Variants in NEDD9 observed in about 807,000 individuals in gnomAD.
NEDD9 encodes neural precursor cell expressed, developmentally down-regulated 9, also known as enhancer of filamentation 1.
Under a neutral mutation model 76.6 loss-of-function variants are expected in NEDD9, and 26 were observed. The observed-to-expected ratio is 0.34, with a 90% CI of 0.25 to 0.47. The LOEUF (loss-of-function observed/expected upper bound fraction) is 0.47, where lower values mean the gene tolerates loss of function less well. NEDD9 is among the 20% of genes least tolerant of loss of function. The probability of loss-of-function intolerance (pLI) is 1.00; values close to 1 mark genes in which losing one functional copy is unlikely to be tolerated. For missense variants in NEDD9, 937 were observed against 1,058.5 expected (o/e 0.89, Z 1.59); for synonymous variants, 392 against 414.2 (o/e 0.95, Z 0.65).
Position 11,204,717 on chromosome 6 carries a change from C to CT in NEDD9, c.459+8563dup, listed in dbSNP as rs1348476080. On this transcript the variant is annotated intron_variant, in intron 2 of 6. Coordinates refer to ENST00000379446, the MANE Select transcript of NEDD9 (RefSeq NM_006403.4). ...CCTGGTCAACAGAGGGAGGGTCCGTCTCAAAAAAAAAAAAAAAAAAGAAAG... is the reference window on the plus strand; with the variant it reads ...CCTGGTCAACAGAGGGAGGGTCCGTCTTCAAAAAAAAAAAAAAAAAAGAAAG... Among the ~76,000 whole-genome samples the CT allele has an allele frequency of 8.3e-3, 384 of 46,224 alleles. 2 individuals are homozygous for CT. The highest frequency in any genetic ancestry group is 0.044 in the African/African-American group (361 of 8,236). The allele number at this position is 46,224 out of a possible 152,430, so 30.3% of individuals were successfully genotyped here.
chr6:11,379,134 A>G (rs1763017356), intron 1 of NEDD9, among the ~76,000 whole-genome samples: 1 of 152,226 alleles, frequency 6.6e-6, no homozygotes, highest in South Asian at 2.1e-4. Context: ...CAGGCCAGGC[A>G]GGCCCTGGGT....
chr6:11,341,918 T>C (rs1762281534), intron 1 of NEDD9, among the ~76,000 whole-genome samples: 1 of 152,116 alleles, frequency 6.6e-6, no homozygotes, highest in African/African-American at 2.4e-5. Flanking sequence ...TTACAATATA[T>C]ATTCAAAAAA....
intron 2 of NEDD9, among the ~76,000 whole-genome samples, chr6:11,333,060 AAGGGAGGG>A (rs373591507): frequency 4.3e-4 from 10 of 23,136 alleles, no homozygotes; most frequent in South Asian, 2.1e-3. Context: ...GGAAGGAAGG[AAGGGAGGG>A]AGGGAGGGAG....
chr6:11,248,624 T>A (rs1286421200), intron 3 of NEDD9, among the ~76,000 whole-genome samples: 3 of 152,230 alleles, frequency 2.0e-5, no homozygotes, highest in Non-Finnish European at 4.4e-5. Context: ...GGTCCTGGCT[T>A]CTGTGGCCCT....
At chr6:11,211,754 C>T (rs759219125) in intron 2 of NEDD9, among the ~76,000 whole-genome samples, 6 of 152,342 alleles carry the variant, frequency 3.9e-5, no homozygotes, top group South Asian at 4.1e-4. Flanking sequence ...AACGAACCTA[C>T]GCTCAGTTCA....
chr6:11,246,052 C>G (rs959184666), intron 3 of NEDD9, among the ~76,000 whole-genome samples: 1 of 151,196 alleles, frequency 6.6e-6, no homozygotes, highest in South Asian at 2.1e-4. Flanking sequence ...GTATTTTTTT[C>G]GGGTGGGGGA....
intron 3 of NEDD9, among the ~76,000 whole-genome samples, chr6:11,302,309 A>G (rs1362694358): frequency 6.6e-6 from 1 of 152,242 alleles, no homozygotes; most frequent in Non-Finnish European, 1.5e-5. Flanking sequence ...TCTCAAGACT[A>G]AACCAGGAAG....
At position 11,294,718 on chromosome 6, in the gene NEDD9, C is replaced by T. The variant is rs1760852156; in HGVS notation, c.12+11274G>A. Among the ~76,000 whole-genome samples, 6 of 151,830 alleles carry T rather than the reference C, an allele frequency of 4.0e-5. No individual in the cohort carries two copies. The South Asian group carries it at 1.2e-3, about 31-fold the overall frequency. On this transcript the variant is annotated intron_variant, in intron 3 of 3. Coordinates refer to the NEDD9 transcript ENST00000397378. ...TGGGTTCCCTTTTCCCATATCCTCACAACACTTATTAGTGTTTTTGATGAT... is the reference window on the plus strand; with the variant it reads ...TGGGTTCCCTTTTCCCATATCCTCATAACACTTATTAGTGTTTTTGATGAT...
intron 1 of NEDD9, among the ~76,000 whole-genome samples, chr6:11,371,260 C>A (rs1762869222): frequency 6.6e-6 from 1 of 152,190 alleles, no homozygotes; most frequent in Non-Finnish European, 1.5e-5. Context: ...AATCAATAAA[C>A]CTGCATTGAC....
intron 3 of NEDD9, among the ~76,000 whole-genome samples, chr6:11,291,681 G>A (rs1181468043): frequency 2.0e-5 from 3 of 152,180 alleles, no homozygotes; most frequent in African/African-American, 4.8e-5. Flanking sequence ...AAACCCAAGT[G>A]GGCGTTGGAT....
At chr6:11,216,925 G>C (rs1167308248) in intron 1 of NEDD9, among the ~76,000 whole-genome samples, 2 of 152,176 alleles carry the variant, frequency 1.3e-5, no homozygotes, top group Non-Finnish European at 2.9e-5. Context: ...TCTGAATTAT[G>C]AATGAGTTCT....
intron 2 of NEDD9, among the ~76,000 whole-genome samples, chr6:11,211,340 C>T (rs1406921168): frequency 6.6e-6 from 1 of 152,198 alleles, no homozygotes; most frequent in African/African-American, 2.4e-5. Flanking sequence ...GCTTAGGCTT[C>T]TCTGACTTGG....
At chr6:11,319,704 GCACA>G (rs909623340) in intron 2 of NEDD9, among the ~76,000 whole-genome samples, 1 of 118,374 alleles carries the variant, frequency 8.4e-6, no homozygotes, top group Admixed American at 9.3e-5. Context: ...ACACAAACAT[GCACA>G]CACAAACATG....
chr6:11,312,968 T>C (rs562174408), intron 2 of NEDD9, among the ~76,000 whole-genome samples: 1 of 152,272 alleles, frequency 6.6e-6, no homozygotes, highest in Admixed American at 6.5e-5. Flanking sequence ...ATGTCCAAAA[T>C]TCTTAAGGTG....
intron 3 of NEDD9, among the ~76,000 whole-genome samples, chr6:11,244,398 A>T (rs1581980462): frequency 1.3e-5 from 2 of 152,210 alleles, no homozygotes; most frequent in South Asian, 4.2e-4. Context: ...CTTTCTATTT[A>T]TGTCCCTACC....
At chr6:11,207,483 TA>T (rs1158874318) in intron 2 of NEDD9, 1 of 152,236 alleles carries the variant, frequency 6.6e-6, no homozygotes, top group Non-Finnish European at 1.5e-5. Context: ...AAGACCTGGC[TA>T]AAACCTTTGA....
intron 1 of NEDD9, among the ~76,000 whole-genome samples, chr6:11,358,136 C>T (rs896696500): frequency 6.6e-6 from 1 of 151,312 alleles, no homozygotes; most frequent in Non-Finnish European, 1.5e-5. Context: ...GTAGTCCCAG[C>T]TACTCGGGAG....
intron 3 of NEDD9, among the ~76,000 whole-genome samples, chr6:11,274,149 T>A (rs916741251): frequency 2.6e-5 from 4 of 152,244 alleles, no homozygotes; most frequent in Admixed American, 6.5e-5. Context: ...AGGAGCTTTT[T>A]GGAACATACC....
At chr6:11,214,297 G>C (rs1466571107) in intron 1 of NEDD9, 1 of 472,558 alleles carries the variant, frequency 2.1e-6, no homozygotes, top group South Asian at 1.6e-5. Flanking sequence ...TGGATCCAGA[G>C]AGAATCCACA....
Sources: gnomAD v4.1 joint callset for allele counts (sites outside exome capture counted in the v4.1 genomes callset) on GRCh38, gnomAD v4.1.1 for gene constraint, MANE v1.5 for transcripts, NCBI Gene and HGNC (gene_info 2026-07-23, HGNC 2026-07-21) for gene names.